BDP1: variants seen among roughly 807,000 people sequenced by gnomAD.
The protein encoded by BDP1 is transcription factor TFIIIB component B'' homolog.
BDP1 carries 169 observed loss-of-function variants against 266.6 expected under a neutral mutation model. That is an observed-to-expected ratio of 0.63 (90% CI 0.56 to 0.72). The LOEUF (loss-of-function observed/expected upper bound fraction) is 0.72. Among genes scored for constraint, BDP1 ranks in the 30% least tolerant of loss-of-function variants. BDP1 has a pLI of 0.00. For missense variants in BDP1, 3,015 were observed against 3,053.8 expected (o/e 0.99, Z 0.30); for synonymous variants, 1,090 against 1,022.4 (o/e 1.07, Z -1.26).
Position 71,504,731 on chromosome 5 carries a change from G to A in BDP1, c.2352G>A (p.Lys784=), listed in dbSNP as rs776769257. The change falls in exon 16 of 39, where the codon AAG becomes AAA. Residue 784 remains lysine (K), a synonymous_variant. Coordinates refer to ENST00000358731, the MANE Select transcript of BDP1 (RefSeq NM_018429.3). ...AAAATGTGCAGCCAGATGAGCCCAA[G>A]GTTCTTAATGAATGTCTAAGGTAAG... The part of the protein sequence containing the change: ...SFQNVQPDEP[K]VLNECLSVQE... 6.2e-6 allele frequency: 10 copies of A among 1,613,300 alleles called. No homozygotes were observed. Among genetic ancestry groups the A allele is most frequent in the Non-Finnish European group, 7.6e-6 (9 of 1,179,758 alleles).
At chr5:71,488,569 C>T (rs1383547593) in intron 9 of BDP1, among the ~76,000 whole-genome samples, 1 of 151,820 alleles carries the variant, frequency 6.6e-6, no homozygotes, top group African/African-American at 2.4e-5. Context: ...GCTGGGATTA[C>T]AGGCAAGTAC....
intron 7 of BDP1, among the ~76,000 whole-genome samples, chr5:71,481,043 G>A (rs533396410): frequency 1.3e-5 from 2 of 151,424 alleles, no homozygotes; most frequent in African/African-American, 4.8e-5. Flanking sequence ...GCGTGGTGGC[G>A]TGCGCCTGTA....
chr5:71,504,933 T>G (rs1254559343), intron 16 of BDP1, among the ~76,000 whole-genome samples, 182 bp downstream of exon 16: 1 of 152,244 alleles, frequency 6.6e-6, no homozygotes, highest in African/African-American at 2.4e-5. Context: ...TGTGAATTTC[T>G]CAGATGGTTT....
At chr5:71,538,273 T>C (rs1477198551) in intron 26 of BDP1, among the ~76,000 whole-genome samples, 1 of 152,200 alleles carries the variant, frequency 6.6e-6, no homozygotes, top group African/African-American at 2.4e-5. Context: ...TGTACTTTTC[T>C]TGTGATGTCA....
At chr5:71,494,924 C>T (rs1763791058) in intron 11 of BDP1, 2 of 165,002 alleles carry the variant, frequency 1.2e-5, no homozygotes. Context: ...TTCCAAACTC[C>T]TGGCCTCAAG....
At chr5:71,474,413 C>T (rs918210938) in intron 7 of BDP1, among the ~76,000 whole-genome samples, 2 of 151,816 alleles carry the variant, frequency 1.3e-5, no homozygotes, top group South Asian at 4.2e-4. Context: ...AACTCCACCT[C>T]CCAGGCTCAA....
chr5:71,568,568 G>A (rs1012806355), downstream of BDP1, among the ~76,000 whole-genome samples: 1 of 152,094 alleles, frequency 6.6e-6, no homozygotes, highest in South Asian at 2.1e-4. Context: ...TTCTGGGTGC[G>A]AGCAATCCTC....
chr5:71,489,348 T>C (rs1410458370), intron 9 of BDP1, 56 bp from the exon 10 acceptor site: 1 of 1,371,954 alleles, frequency 7.3e-7, no homozygotes, highest in Non-Finnish European at 9.9e-7. Flanking sequence ...TTTCCCACCT[T>C]TACAAATTTT....
intron 11 of BDP1, among the ~76,000 whole-genome samples, chr5:71,491,725 G>T (rs572141194): frequency 2.3e-4 from 35 of 151,930 alleles, no homozygotes; most frequent in African/African-American, 8.5e-4. Context: ...GTTTTGTTTT[G>T]TTTTGTTTTT....
At chr5:71,457,999 T>C (rs1476477440) in intron 1 of BDP1, among the ~76,000 whole-genome samples, 1 of 152,158 alleles carries the variant, frequency 6.6e-6, no homozygotes, top group African/African-American at 2.4e-5. Flanking sequence ...TAAGTAGAGT[T>C]GTACCTGACA....
In BDP1 at chr5:71,502,752, T is replaced by C; in HGVS notation, c.2202T>C (p.Asn734=). The part of the protein sequence containing the change: ...ILISQEEIGA[N]VEKNENESCA... ...TATCACAGGAAGAAATTGGGGCCAATGTAGAGAAGAATGAAAATGAATCCT... is the reference window on the plus strand; with the variant it reads ...TATCACAGGAAGAAATTGGGGCCAACGTAGAGAAGAATGAAAATGAATCCT... The change falls in exon 15 of 39, where the codon AAT becomes AAC. Residue 734 remains asparagine, a synonymous_variant. Coordinates refer to ENST00000358731, the MANE Select transcript of BDP1 (RefSeq NM_018429.3). 3 of 1,613,600 alleles carry C rather than the reference T, an allele frequency of 1.9e-6. No individual in the cohort carries two copies. The highest frequency in any genetic ancestry group is 2.7e-5 in the African/African-American group (2 of 74,912).
At chr5:71,564,422 A>T (rs1010893585) in intron 38 of BDP1, among the ~76,000 whole-genome samples, 2 of 152,042 alleles carry the variant, frequency 1.3e-5, no homozygotes, top group Non-Finnish European at 2.9e-5. Context: ...GGAAATTAGG[A>T]TGAAGTAATG....
intron 12 of BDP1, among the ~76,000 whole-genome samples, chr5:71,496,983 C>T (rs1224217402): frequency 3.1e-4 from 47 of 152,300 alleles, no homozygotes; most frequent in Non-Finnish European, 8.8e-5. Flanking sequence ...TTGCTACCTT[C>T]AATATATACC....
chr5:71,547,234 C>G (rs1486885587), intron 32 of BDP1, among the ~76,000 whole-genome samples: 3 of 151,788 alleles, frequency 2.0e-5, no homozygotes, highest in Non-Finnish European at 4.4e-5. Context: ...CCTTATTTTC[C>G]TTTAATCTAG....
At chr5:71,499,508 A>C (rs914478450) in intron 13 of BDP1, among the ~76,000 whole-genome samples, 1 of 151,946 alleles carries the variant, frequency 6.6e-6, no homozygotes, top group African/African-American at 2.4e-5. Flanking sequence ...AATCCCAACT[A>C]CTCGGGAGTT....
chr5:71,458,450 C>A, intron 1 of BDP1, 129 bp from the exon 2 acceptor site: 4 of 697,200 alleles, frequency 5.7e-6, no homozygotes, highest in South Asian at 2.2e-5. Flanking sequence ...TATCATAAAT[C>A]TCAAGTTACT....
At chr5:71,494,691 A>G (rs1289767671) in intron 11 of BDP1, 2 of 152,084 alleles carry the variant, frequency 1.3e-5, no homozygotes, top group Non-Finnish European at 2.9e-5. Flanking sequence ...TGATTTGTGA[A>G]CCACATTTAA....
In BDP1 at chr5:71,486,534, G is replaced by C; in HGVS notation, c.1120G>C (p.Val374Leu). Residue 374 changes from valine to leucine, a missense_variant, in exon 9 of 39, where the codon GTT (valine) becomes CTT (leucine). Transcript: ENST00000358731. ...FDFFAHLLQKVLAEEEKRKQK... is the reference protein window; with the variant it reads ...FDFFAHLLQKLLAEEEKRKQK... Reference sequence around the variant, plus strand: ...TTTTTTTGCTCATTTGCTTCAGAAAGTTCTTGCTGAAGAAGAGAAAAGAAA... The same window carrying C: ...TTTTTTTGCTCATTTGCTTCAGAAACTTCTTGCTGAAGAAGAGAAAAGAAA... 1 of 1,545,014 alleles carries C rather than the reference G, an allele frequency of 6.5e-7. No homozygotes were observed.
At chr5:71,548,094 G>C (rs1742470347) in intron 32 of BDP1, among the ~76,000 whole-genome samples, 1 of 152,006 alleles carries the variant, frequency 6.6e-6, no homozygotes, top group African/African-American at 2.4e-5. Context: ...ACCAGCCTGG[G>C]CAACATGGCA....
Sources: allele counts gnomAD v4.1 joint callset (sites outside exome capture counted in the v4.1 genomes callset), GRCh38; gene constraint gnomAD v4.1.1; transcripts MANE v1.5; gene names NCBI Gene and HGNC (gene_info 2026-07-23, HGNC 2026-07-21).